The following RSBN1L variants were observed in gnomAD, a reference collection of about 807,000 sequenced individuals.
RSBN1L encodes the protein lysine-specific demethylase RSBN1L.
In RSBN1L, 30 loss-of-function variants were observed where a neutral mutation model predicts 67.7. That is an observed-to-expected ratio of 0.44 (90% CI 0.33 to 0.60). The LOEUF (loss-of-function observed/expected upper bound fraction) is 0.60, where lower values mean the gene tolerates loss of function less well. RSBN1L is among the 20% of genes least tolerant of loss of function. The probability of loss-of-function intolerance (pLI) is 0.02; values close to 1 mark genes in which losing one functional copy is unlikely to be tolerated. For synonymous variants in RSBN1L, 433 were observed against 387.0 expected (o/e 1.12, Z -1.39); for missense variants, 992 against 1,031.7 (o/e 0.96, Z 0.53).
Position 77,749,534 on chromosome 7 carries a change from T to A in RSBN1L, c.814T>A (p.Tyr272Asn). 1 of 1,611,882 alleles carries A rather than the reference T, an allele frequency of 6.2e-7. No individual in the cohort carries two copies. The highest frequency in any genetic ancestry group is 8.5e-7 in the Non-Finnish European group (1 of 1,179,508). The change falls in exon 3 of 8, where the codon TAT (tyrosine) becomes AAT (asparagine). Residue 272 changes from tyrosine (Y) to asparagine (N), a missense_variant. By Grantham distance (143) the Tyr-to-Asn change is moderately radical. Transcript: ENST00000334955. ...ENEKRKRPKM[Y>N]SKSIQTICSG... ...TGAAAAACGGAAGCGTCCGAAAATGTATAGCAAATCTATTCAGACCATCTG... is the reference window on the plus strand; with the variant it reads ...TGAAAAACGGAAGCGTCCGAAAATGAATAGCAAATCTATTCAGACCATCTG...
At position 77,719,951 on chromosome 7, in the gene RSBN1L, G is replaced by C. The variant is rs559635103; in HGVS notation, c.587-16459G>C. On this transcript the variant is annotated intron_variant, in intron 1 of 7. Transcript: ENST00000334955. Reference sequence around the variant, plus strand: ...GGCTAATTATTGTATTTTCCGTAGAGAAAGGGTCTCGCCATATTGTCCAGG... The same window carrying C: ...GGCTAATTATTGTATTTTCCGTAGACAAAGGGTCTCGCCATATTGTCCAGG... Among the ~76,000 whole-genome samples the C allele has an allele frequency of 5.3e-5, 8 of 152,234 alleles. No homozygotes were observed. In the East Asian group the frequency reaches 9.7e-4, roughly 18 times the overall value.
chr7:77,719,753 GTA>G (rs1426762623), intron 1 of RSBN1L, among the ~76,000 whole-genome samples: 2 of 152,230 alleles, frequency 1.3e-5, no homozygotes, highest in Non-Finnish European at 2.9e-5. Context: ...TGGTTTTTAT[GTA>G]TATATGTATT....
chr7:77,714,515 C>T (rs1791020436), intron 1 of RSBN1L, among the ~76,000 whole-genome samples: 2 of 152,308 alleles, frequency 1.3e-5, no homozygotes, highest in Admixed American at 1.3e-4. Flanking sequence ...TCCATCAGTA[C>T]AGTTGCATGA....
At chr7:77,767,204 C>T (rs1398520537) in intron 4 of RSBN1L, among the ~76,000 whole-genome samples, 2 of 151,946 alleles carry the variant, frequency 1.3e-5, no homozygotes, top group Non-Finnish European at 2.9e-5. Context: ...GCTGTGATTA[C>T]AGACGTGAGC....
intron 2 of RSBN1L, among the ~76,000 whole-genome samples, chr7:77,745,733 TTATTTC>T (rs1167799911): frequency 3.3e-5 from 5 of 152,332 alleles, no homozygotes; most frequent in African/African-American, 9.6e-5. Flanking sequence ...ATTGTGCACT[TTATTTC>T]TATTATTATA....
chr7:77,744,027 G>A (rs188182242), intron 2 of RSBN1L, among the ~76,000 whole-genome samples: 2 of 151,142 alleles, frequency 1.3e-5, no homozygotes, highest in African/African-American at 4.9e-5. Flanking sequence ...TGTCTGGACT[G>A]TTTTACTTTT....
chr7:77,756,850 AAG>A (rs1791626701), intron 3 of RSBN1L, among the ~76,000 whole-genome samples: 3 of 151,956 alleles, frequency 2.0e-5, no homozygotes, highest in Admixed American at 6.5e-5. Flanking sequence ...TAATCGATAA[AAG>A]AGTATATATA....
intron 1 of RSBN1L, among the ~76,000 whole-genome samples, chr7:77,700,057 A>G (rs932493053): frequency 1.3e-5 from 2 of 152,294 alleles, no homozygotes; most frequent in Non-Finnish European, 1.5e-5. Context: ...GGCCTCCCAA[A>G]GTGCTGAGAT....
intron 2 of RSBN1L, among the ~76,000 whole-genome samples, chr7:77,742,161 CT>C (rs1229528335): frequency 1.4e-5 from 1 of 69,264 alleles, no homozygotes; most frequent in East Asian, 3.3e-4. Flanking sequence ...AAGAACCCAT[CT>C]TTAAAAAAAA....
rs1279070076 is a variant in RSBN1L at position 77,749,655 on chromosome 7, A to T, written c.935A>T (p.Asn312Ile). 6.2e-7 allele frequency: 1 copy of T among 1,614,068 alleles called. No individual in the cohort carries two copies. The highest frequency in any genetic ancestry group is 1.3e-5 in the African/African-American group (1 of 74,940). Residue 312 changes from asparagine to isoleucine, a missense_variant, in exon 3 of 8, where the codon AAC becomes ATC. This residue lies in a region of RSBN1L where 575 missense variants were observed against 483.2 expected (regional missense o/e 1.19). Transcript: ENST00000334955. The stretch of plus-strand genomic sequence containing the variant: ...GTTGGGAAGAATTTGGATACCAAGA[A>T]CTATGATTCCAAAATTCCAGAGAAC... ...DYVGKNLDTKNYDSKIPENSE... is the reference protein window; with the variant it reads ...DYVGKNLDTKIYDSKIPENSE...
chr7:77,701,639 T>G (rs1790819655), intron 1 of RSBN1L, among the ~76,000 whole-genome samples: 2 of 146,826 alleles, frequency 1.4e-5, no homozygotes, highest in African/African-American at 5.2e-5. Flanking sequence ...CTTCTGAACT[T>G]TCACTGAATT....
At chr7:77,714,958 CAAAAAAAAAA>C (rs35501995) in intron 1 of RSBN1L, among the ~76,000 whole-genome samples, 14 of 91,470 alleles carry the variant, frequency 1.5e-4, no homozygotes, top group East Asian at 1.1e-3. Flanking sequence ...GACTCCATCT[CAAAAAAAAAA>C]AAAAAAAAAA....
chr7:77,766,669 A>T (rs1224658251), intron 4 of RSBN1L, among the ~76,000 whole-genome samples: 1 of 152,198 alleles, frequency 6.6e-6, no homozygotes, highest in East Asian at 1.9e-4. Context: ...GCAAACCTAC[A>T]CTGAAATTCA....
intron 2 of RSBN1L, among the ~76,000 whole-genome samples, chr7:77,747,550 A>G (rs907017744): frequency 6.6e-6 from 1 of 152,314 alleles, no homozygotes; most frequent in South Asian, 2.1e-4. Flanking sequence ...TGCCAGCCAT[A>G]AGTCTTGGTG....
At chr7:77,735,129 A>T (rs1244164217) in intron 1 of RSBN1L, among the ~76,000 whole-genome samples, 1 of 151,922 alleles carries the variant, frequency 6.6e-6, no homozygotes, top group Non-Finnish European at 1.5e-5. Context: ...ATTATTAATG[A>T]TTGAAGTTTA....
chr7:77,719,484 C>T (rs2150415613), intron 1 of RSBN1L, among the ~76,000 whole-genome samples: 1 of 152,122 alleles, frequency 6.6e-6, no homozygotes, highest in Admixed American at 6.5e-5. Flanking sequence ...TCTAAGAATG[C>T]CCCAGGTTGT....
At chr7:77,710,248 A>G (rs1266102924) in intron 1 of RSBN1L, among the ~76,000 whole-genome samples, 9 of 152,216 alleles carry the variant, frequency 5.9e-5, no homozygotes, top group Admixed American at 5.2e-4. Context: ...CATATAGTCT[A>G]CAGACATACC....
At chr7:77,775,237 A>T (rs191858094) in intron 6 of RSBN1L, among the ~76,000 whole-genome samples, 172 of 152,164 alleles carry the variant, frequency 1.1e-3, no homozygotes, top group Admixed American at 6.1e-3. Flanking sequence ...TTAATTTTTT[A>T]AAAAAAGGAG....
chr7:77,762,331 A>G (rs1791706130), intron 3 of RSBN1L, among the ~76,000 whole-genome samples: 1 of 152,176 alleles, frequency 6.6e-6, no homozygotes, highest in South Asian at 2.1e-4. Flanking sequence ...CAAAAGATAA[A>G]GCCTCTTCTT....
Sources: allele counts gnomAD v4.1 joint callset (sites outside exome capture counted in the v4.1 genomes callset), GRCh38; gene constraint gnomAD v4.1.1; regional missense constraint gnomAD v4.1.1; transcripts MANE v1.5; gene names NCBI Gene and HGNC (gene_info 2026-07-23, HGNC 2026-07-21).